The following UST variants were observed in gnomAD, a reference collection of about 807,000 sequenced individuals.
UST encodes uronyl 2-sulfotransferase.
In UST, 21 loss-of-function variants were observed where a neutral mutation model predicts 45.6. That is an observed-to-expected ratio of 0.46 (90% CI 0.33 to 0.66). UST has a LOEUF of 0.66. UST is among the 30% of genes least tolerant of loss of function. UST has a pLI of 0.02. For missense variants in UST, 463 were observed against 512.4 expected, an observed-to-expected ratio of 0.90 and a Z score of 0.93; for synonymous variants, 215 against 200.6, an observed-to-expected ratio of 1.07 and a Z score of -0.61.
intron 1 of UST, among the ~76,000 whole-genome samples, chr6:148,788,731 A>T (rs1031371079): frequency 6.6e-6 from 1 of 152,246 alleles, no homozygotes; most frequent in African/African-American, 2.4e-5. Flanking sequence ...GAGAAACTCA[A>T]CTAATTTTGA....
At chr6:148,905,144 C>T (rs1045267375) in intron 2 of UST, among the ~76,000 whole-genome samples, 29 of 152,332 alleles carry the variant, frequency 1.9e-4, no homozygotes, top group African/African-American at 3.4e-4. Flanking sequence ...CATTTCTAGA[C>T]GTGCTTTGGG....
chr6:148,889,033 T>A (rs1778962971), intron 2 of UST, among the ~76,000 whole-genome samples: 1 of 152,222 alleles, frequency 6.6e-6, no homozygotes, highest in Non-Finnish European at 1.5e-5. Context: ...TCTTCTGGCT[T>A]CCATCCCAGG....
At chr6:148,825,896 C>T (rs548075760) in intron 1 of UST, among the ~76,000 whole-genome samples, 40 of 152,234 alleles carry the variant, frequency 2.6e-4, no homozygotes, top group African/African-American at 9.6e-4. Context: ...ATACCTCCCT[C>T]ATTTGAATTA....
chr6:148,751,616 A>G (rs531842746), intron 1 of UST, among the ~76,000 whole-genome samples: 5 of 152,332 alleles, frequency 3.3e-5, no homozygotes, highest in East Asian at 1.9e-4. Flanking sequence ...GATAACTGTT[A>G]TCTTGATTTC....
chr6:148,871,117 CCTCTCT>C (rs749134391), intron 1 of UST, among the ~76,000 whole-genome samples: 1 of 97,586 alleles, frequency 1.0e-5, no homozygotes, highest in South Asian at 3.7e-4. Flanking sequence ...GCATTCTCTC[CCTCTCT>C]CTCTCTCTCT....
At chr6:148,881,005 G>A (rs1778813374) in intron 1 of UST, among the ~76,000 whole-genome samples, 1 of 151,768 alleles carries the variant, frequency 6.6e-6, no homozygotes, top group South Asian at 2.1e-4. Flanking sequence ...CTCCAGCCTG[G>A]GTGACAGAAC....
At chr6:149,003,718 C>A (rs776044171) in intron 5 of UST, among the ~76,000 whole-genome samples, 17 of 152,180 alleles carry the variant, frequency 1.1e-4, no homozygotes, top group Non-Finnish European at 2.4e-4. Flanking sequence ...ACCACATAAC[C>A]TGGCAAAATT....
intron 2 of UST, among the ~76,000 whole-genome samples, chr6:148,908,427 A>T (rs944943040): frequency 6.6e-6 from 1 of 152,230 alleles, no homozygotes; most frequent in Non-Finnish European, 1.5e-5. Flanking sequence ...CGAAGTCACC[A>T]AAAGAATCAT....
chr6:148,949,658 C>T (rs1780325964), intron 3 of UST, among the ~76,000 whole-genome samples: 1 of 152,072 alleles, frequency 6.6e-6, no homozygotes, highest in African/African-American at 2.4e-5. Context: ...CTTCAGTTAA[C>T]TATACATTTC....
intron 5 of UST, 92 bp downstream of exon 5, chr6:148,964,655 T>C (rs1780744540): frequency 1.5e-5 from 23 of 1,522,512 alleles, no homozygotes; most frequent in Non-Finnish European, 2.0e-5. Flanking sequence ...TCCCAGGCCT[T>C]CTCCTTGGCG....
chr6:148,856,252 G>A (rs1398973853), intron 1 of UST, among the ~76,000 whole-genome samples: 4 of 152,016 alleles, frequency 2.6e-5, no homozygotes, highest in East Asian at 1.9e-4. Flanking sequence ...TCCTGACCTC[G>A]TGATCCACCT....
chr6:148,887,121 C>A, intron 2 of UST, 92 bp downstream of exon 2: 2 of 974,842 alleles, frequency 2.1e-6, no homozygotes, highest in Non-Finnish European at 3.2e-6. Flanking sequence ...GGACACGAAT[C>A]ATTCACAAGA....
chr6:148,872,970 C>T (rs762986923), intron 1 of UST, among the ~76,000 whole-genome samples: 4 of 152,160 alleles, frequency 2.6e-5, no homozygotes, highest in Non-Finnish European at 4.4e-5. Context: ...CGTAAAGTAA[C>T]GGACTCACAG....
At chr6:148,806,157 AC>A (rs1777141666) in intron 1 of UST, among the ~76,000 whole-genome samples, 1 of 152,168 alleles carries the variant, frequency 6.6e-6, no homozygotes, top group South Asian at 2.1e-4. Context: ...ACTGTTTATA[AC>A]CTGAACCATG....
At chr6:148,844,579 G>A (rs1195557254) in intron 1 of UST, among the ~76,000 whole-genome samples, 1 of 151,998 alleles carries the variant, frequency 6.6e-6, no homozygotes, top group Non-Finnish European at 1.5e-5. Context: ...CAGCCACTCA[G>A]GATTAGGGCT....
At chr6:148,879,934 C>CTT (rs1207101937) in intron 1 of UST, among the ~76,000 whole-genome samples, 77 of 142,996 alleles carry the variant, frequency 5.4e-4, no homozygotes, top group South Asian at 6.6e-4. Flanking sequence ...TCTGACTTTT[C>CTT]TTTTTTCTTT....
chr6:149,059,052 C>T (rs1723535174), intron 7 of UST, among the ~76,000 whole-genome samples: 1 of 152,208 alleles, frequency 6.6e-6, no homozygotes, highest in African/African-American at 2.4e-5. Context: ...AACATAGCAA[C>T]TTGCCCTTCA....
chr6:148,922,445 A>G (rs937416885), intron 2 of UST, among the ~76,000 whole-genome samples: 11 of 151,186 alleles, frequency 7.3e-5, no homozygotes, highest in East Asian at 5.8e-4. Flanking sequence ...ATTTCTTTCT[A>G]TGGCAGAATA....
chr6:148,968,374 C>T (rs567704552), intron 5 of UST, among the ~76,000 whole-genome samples: 3 of 152,276 alleles, frequency 2.0e-5, no homozygotes, highest in East Asian at 1.9e-4. Flanking sequence ...AATTAGTGCT[C>T]GCATAGATGC....
Sources: gnomAD v4.1 joint callset for allele counts (sites outside exome capture counted in the v4.1 genomes callset) on GRCh38, gnomAD v4.1.1 for gene constraint, MANE v1.5 for transcripts, NCBI Gene and HGNC (gene_info 2026-07-23, HGNC 2026-07-21) for gene names.